COL25A1: variants seen among roughly 807,000 people sequenced by gnomAD.
COL25A1 encodes collagen type XXV alpha 1 chain, also known as collagen alpha-1(XXV) chain.
A neutral mutation model predicts 128.4 loss-of-function variants in COL25A1; 103 were observed. That is an observed-to-expected ratio of 0.80 (90% CI 0.68 to 0.94). The LOEUF (loss-of-function observed/expected upper bound fraction) is 0.94. Ranked by LOEUF, COL25A1 falls within the 40% of genes least tolerant of loss-of-function variation. The pLI is 0.00. For missense variants in COL25A1, 745 were observed against 840.0 expected (o/e 0.89, Z 1.40); for synonymous variants, 279 against 277.2 (o/e 1.01, Z -0.06).
At chr4:109,017,211 T>G (rs1757307966) in intron 5 of COL25A1, among the ~76,000 whole-genome samples, 1 of 152,242 alleles carries the variant, frequency 6.6e-6, no homozygotes, top group Non-Finnish European at 1.5e-5. Flanking sequence ...TACCTGGAGC[T>G]GCCTGCCCCA....
chr4:109,113,893 C>T (rs1472725961), intron 3 of COL25A1, among the ~76,000 whole-genome samples: 1 of 151,976 alleles, frequency 6.6e-6, no homozygotes, highest in Non-Finnish European at 1.5e-5. Flanking sequence ...CTTAGCATCC[C>T]TAAGTGTCCA....
intron 6 of COL25A1, among the ~76,000 whole-genome samples, chr4:109,001,423 A>ATCTGAGATCCTGTCAGGTAGGCAT (rs149946011): frequency 1.3e-5 from 2 of 150,452 alleles, no homozygotes. Flanking sequence ...TCAGGTAGGC[A>ATCTGAGATCCTGTCAGGTAGGCAT]GTGAGCTAGA....
At chr4:109,056,205 CAA>C (rs1761431276) in intron 3 of COL25A1, among the ~76,000 whole-genome samples, 1 of 152,000 alleles carries the variant, frequency 6.6e-6, no homozygotes, top group Non-Finnish European at 1.5e-5. Context: ...GATATACTAA[CAA>C]ATGTGTGAGG....
intron 3 of COL25A1, among the ~76,000 whole-genome samples, chr4:109,247,128 C>G (rs1038656211): frequency 6.6e-6 from 1 of 152,138 alleles, no homozygotes; most frequent in Non-Finnish European, 1.5e-5. Flanking sequence ...CTTTGGGAGG[C>G]CGAGGCGGGT....
intron 3 of COL25A1, among the ~76,000 whole-genome samples, chr4:109,268,627 C>A (rs368967172): frequency 6.6e-6 from 1 of 152,166 alleles, no homozygotes; most frequent in South Asian, 2.1e-4. Context: ...TTAAAACTAT[C>A]ATTTATGAAA....
Position 108,852,242 on chromosome 4 carries a change from C to T in COL25A1, c.1383G>A (p.Gly461=). Reference sequence around the variant, plus strand: ...CAAGTAAATAAAGAATAACCTTTGGCCCTTGTAGTCCTTGAGGTCCAGGAG... The same window carrying T: ...CAAGTAAATAAAGAATAACCTTTGGTCCTTGTAGTCCTTGAGGTCCAGGAG... The part of the protein sequence containing the change: ...PGPPGPQGLQ[G]PKGEQGSPGI... The change falls in exon 26 of 38, where the codon GGG becomes GGA. Residue 461 remains glycine, a synonymous_variant. Transcript: ENST00000399132. The T allele has an allele frequency of 6.2e-7, 1 of 1,604,958 alleles. No individual in the cohort carries two copies. The highest frequency in any genetic ancestry group is 1.1e-5 in the South Asian group (1 of 89,400).
Position 109,153,956 on chromosome 4 carries a change from G to A in COL25A1, c.368-103777C>T, listed in dbSNP as rs17039975. On this transcript the variant is annotated intron_variant, in intron 3 of 37. Transcript: ENST00000399132. ...CACAGGGTTTGAGGGGGGTCTGCCT[G>A]ACTGTACTACCAACACATGACCCTT... 7.6e-3 allele frequency among the ~76,000 whole-genome samples: 1,155 copies of A among 152,262 alleles called. 14 individuals carry two copies. Among genetic ancestry groups the A allele is most frequent in the African/African-American group, 0.026 (1,094 of 41,532 alleles).
In COL25A1 at chr4:108,809,522, C is replaced by T. The variant is rs995281799; in HGVS notation, c.*4405G>A. The T allele has an allele frequency of 2.5e-5, 3 of 118,566 alleles. No individual in the cohort carries two copies. Among genetic ancestry groups the T allele is most frequent in the East Asian group, 2.6e-4 (1 of 3,902 alleles). 7.3% of individuals were successfully genotyped at this position (118,566 alleles called of 1,614,324 possible). ...TAAGTTGTTAATAAATCACACATAACGGTTTAGGTTGAAAAAGTCTTCTTA... is the reference window on the plus strand; with the variant it reads ...TAAGTTGTTAATAAATCACACATAATGGTTTAGGTTGAAAAAGTCTTCTTA... On this transcript the variant is annotated 3_prime_UTR_variant, in exon 38 of 38. Transcript: ENST00000399132.
chr4:108,810,158 T>C lies in COL25A1; in HGVS notation c.*3769A>G, dbSNP rs754621132. ...TAGTGGGGAAAGAAAGGATAACAAATGATGTTAACTTTTCATGCTTCAATA... is the reference window on the plus strand; with the variant it reads ...TAGTGGGGAAAGAAAGGATAACAAACGATGTTAACTTTTCATGCTTCAATA... On this transcript the variant is annotated 3_prime_UTR_variant, in exon 38 of 38. Transcript: ENST00000399132. 4 of 151,334 alleles carry C rather than the reference T, an allele frequency of 2.6e-5. No individual in the cohort carries two copies. Among genetic ancestry groups the C allele is most frequent in the Non-Finnish European group, 5.9e-5 (4 of 67,702 alleles). The allele number at this position is 151,334 out of a possible 1,614,324, so 9.4% of individuals were successfully genotyped here.
chr4:108,899,007 C>CCA, intron 15 of COL25A1, 147 bp downstream of exon 15: 1 of 629,506 alleles, frequency 1.6e-6, no homozygotes, highest in Non-Finnish European at 2.8e-6. Context: ...ATCTATATAT[C>CCA]TATATACCTA....
chr4:108,975,241 G>A (rs781431076), intron 6 of COL25A1, among the ~76,000 whole-genome samples: 5 of 152,188 alleles, frequency 3.3e-5, no homozygotes, highest in Non-Finnish European at 7.3e-5. Flanking sequence ...GATCACCTTA[G>A]GTCAGGAGTT....
chr4:108,861,932 T>C (rs1424272127), intron 22 of COL25A1, among the ~76,000 whole-genome samples: 1 of 152,192 alleles, frequency 6.6e-6, no homozygotes, highest in Non-Finnish European at 1.5e-5. Context: ...AAATTTGCTA[T>C]GAATGAAGCA....
At chr4:108,967,045 T>C (rs1021053158) in intron 8 of COL25A1, among the ~76,000 whole-genome samples, 8 of 152,302 alleles carry the variant, frequency 5.3e-5, no homozygotes, top group African/African-American at 1.4e-4. Flanking sequence ...AGAGAATACA[T>C]GGAAAATGTA....
intron 23 of COL25A1, among the ~76,000 whole-genome samples, chr4:108,860,264 G>T (rs771473603): frequency 6.6e-6 from 1 of 152,040 alleles, no homozygotes; most frequent in African/African-American, 2.4e-5. Flanking sequence ...GCTAGTTTTT[G>T]TATTTTTAGT....
At chr4:109,246,881 T>A (rs1316890979) in intron 3 of COL25A1, among the ~76,000 whole-genome samples, 1 of 152,280 alleles carries the variant, frequency 6.6e-6, no homozygotes, top group East Asian at 1.9e-4. Flanking sequence ...GCACAAAATA[T>A]GCCCTGGAAT....
chr4:109,061,535 T>C (rs186596867), intron 3 of COL25A1, among the ~76,000 whole-genome samples: 5 of 152,310 alleles, frequency 3.3e-5, no homozygotes, highest in African/African-American at 1.2e-4. Context: ...GTCATGCATA[T>C]AAAAAGTGCT....
At chr4:108,893,233 A>T (rs1218605512) in intron 16 of COL25A1, among the ~76,000 whole-genome samples, 1 of 152,210 alleles carries the variant, frequency 6.6e-6, no homozygotes, top group Admixed American at 6.5e-5. Context: ...AAAACAGGTA[A>T]TGCTAAGAAA....
At chr4:109,142,805 T>A (rs937342518) in intron 3 of COL25A1, among the ~76,000 whole-genome samples, 22 of 152,186 alleles carry the variant, frequency 1.4e-4, no homozygotes, top group Admixed American at 9.8e-4. Flanking sequence ...TGTGTGTCTT[T>A]GCAAATGAGA....
At chr4:109,214,266 C>G (rs1301245171) in intron 3 of COL25A1, among the ~76,000 whole-genome samples, 1 of 152,048 alleles carries the variant, frequency 6.6e-6, no homozygotes. Flanking sequence ...TTCATAAAAT[C>G]AATTAGGTTG....
Sources: allele counts gnomAD v4.1 joint callset (sites outside exome capture counted in the v4.1 genomes callset), GRCh38; gene constraint gnomAD v4.1.1; transcripts MANE v1.5; gene names NCBI Gene and HGNC (gene_info 2026-07-23, HGNC 2026-07-21).